PLPBP: variants seen among roughly 807,000 people sequenced by gnomAD.
PLPBP encodes pyridoxal phosphate homeostasis protein.
Under a neutral mutation model 31.2 loss-of-function variants are expected in PLPBP, and 21 were observed. The observed-to-expected ratio is 0.67, with a 90% CI of 0.48 to 0.97. PLPBP has a LOEUF of 0.97. Among genes scored for constraint, PLPBP ranks in the 50% least tolerant of loss-of-function variants. The probability of loss-of-function intolerance (pLI) is 0.00; values close to 1 mark genes in which losing one functional copy is unlikely to be tolerated. For missense variants in PLPBP, 308 were observed against 354.4 expected (o/e 0.87, Z 1.05); for synonymous variants, 124 against 135.6 (o/e 0.91, Z 0.59).
chr8:37,765,766 C>A lies in PLPBP; in HGVS notation c.243+20C>A, dbSNP rs963423127. The A allele has an allele frequency of 6.2e-7, 1 of 1,604,548 alleles. No homozygotes were observed. The highest frequency in any genetic ancestry group is 8.5e-7 in the Non-Finnish European group (1 of 1,177,514). ...CCCAAAGTAAGTAGATAGCTGAATTCTTTAATTTGTATCTAAATCTTGGCT... is the reference window on the plus strand; with the variant it reads ...CCCAAAGTAAGTAGATAGCTGAATTATTTAATTTGTATCTAAATCTTGGCT... On this transcript the variant is annotated intron_variant, in intron 3 of 7. Transcript: ENST00000328195.
intron 1 of PLPBP, 127 bp from the exon 2 acceptor site, chr8:37,765,398 GA>G: frequency 2.3e-6 from 2 of 851,934 alleles, no homozygotes; most frequent in Admixed American, 2.1e-5. Flanking sequence ...CTACAGTGTT[GA>G]AAAAATGGAT....
At chr8:37,775,137 T>C (rs1434433585) in intron 5 of PLPBP, 2 of 475,482 alleles carry the variant, frequency 4.2e-6, no homozygotes, top group East Asian at 6.8e-5. Context: ...ATAGTTCTTT[T>C]CTTGAGAAAT....
chr8:37,772,222 TG>T (rs2129797891), intron 4 of PLPBP, among the ~76,000 whole-genome samples: 1 of 152,350 alleles, frequency 6.6e-6, no homozygotes, highest in South Asian at 2.1e-4. Context: ...TTGGCCAGGC[TG>T]GTGTCAAACT....
intron 4 of PLPBP, among the ~76,000 whole-genome samples, chr8:37,771,699 C>T (rs1168574664): frequency 1.3e-5 from 2 of 152,100 alleles, no homozygotes; most frequent in African/African-American, 2.4e-5. Flanking sequence ...CAGTGGCTCA[C>T]GCCTGTAATC....
intron 6 of PLPBP, 94 bp downstream of exon 6, chr8:37,775,575 T>C: frequency 7.9e-6 from 12 of 1,523,708 alleles, no homozygotes; most frequent in Non-Finnish European, 1.1e-5. Flanking sequence ...TGCAGAGTCA[T>C]CCCAGACACT....
intron 3 of PLPBP, 108 bp downstream of exon 3, chr8:37,765,854 C>CT: frequency 8.4e-7 from 1 of 1,195,148 alleles, no homozygotes; most frequent in Non-Finnish European, 1.2e-6. Flanking sequence ...GGGTGGTTGA[C>CT]TTTAGATTGG....
rs374410929 is a variant in PLPBP at position 37,776,000 on chromosome 8, C to T, written c.680C>T (p.Ala227Val). The change falls in exon 7 of 8, where the codon GCG (alanine) becomes GTG (valine). Residue 227 changes from alanine (A) to valine (V), a missense_variant. Physicochemically the swap from Ala to Val is moderately conservative, Grantham distance 64. This residue lies in a region of PLPBP where 188 missense variants were observed against 259.3 expected (regional missense o/e 0.73). Coordinates refer to ENST00000328195, the MANE Select transcript of PLPBP (RefSeq NM_007198.4). ...DQVELSMGMS[A>V]DFQHAVEVGS... ...GTTGAGCTGAGCATGGGCATGTCCGCGGATTTCCAGCATGCGGTGAGTGTC... is the reference window on the plus strand; with the variant it reads ...GTTGAGCTGAGCATGGGCATGTCCGTGGATTTCCAGCATGCGGTGAGTGTC... The T allele has an allele frequency of 3.2e-5, 51 of 1,613,558 alleles. No homozygotes were observed. The highest frequency in any genetic ancestry group is 6.7e-5 in the East Asian group (3 of 44,864).
At chr8:37,762,819 T>G in intron 1 of PLPBP, 61 bp downstream of exon 1, 1 of 1,513,072 alleles carries the variant, frequency 6.6e-7, no homozygotes, top group African/African-American at 1.4e-5. Flanking sequence ...GACACCTGCG[T>G]GGGAATGGGT....
chr8:37,770,603 G>C (rs1303727216), intron 4 of PLPBP, among the ~76,000 whole-genome samples: 1 of 152,198 alleles, frequency 6.6e-6, no homozygotes, highest in Non-Finnish European at 1.5e-5. Context: ...TTTTGAGACA[G>C]GGTCTCACTC....
intron 7 of PLPBP, 39 bp from the exon 8 acceptor site, chr8:37,777,934 T>G (rs747422039): frequency 5.7e-6 from 9 of 1,587,858 alleles, no homozygotes; most frequent in Non-Finnish European, 7.8e-6. Context: ...TTTTATTATT[T>G]TAAACCTGGT....
At position 37,778,869 on chromosome 8, in the gene PLPBP, G is replaced by A. The variant is rs931579352; in HGVS notation, c.*765G>A. ...GAATGGAAGAATCACTTGAGCCCAG[G>A]AGTTTGAGGCTGCAGTGAGCTATGA... On this transcript the variant is annotated 3_prime_UTR_variant, in exon 8 of 8. Transcript: ENST00000328195. The A allele has an allele frequency of 1.3e-5, 2 of 151,632 alleles. No individual in the cohort carries two copies. Among genetic ancestry groups the A allele is most frequent in the Non-Finnish European group, 2.9e-5 (2 of 68,014 alleles). The allele number at this position is 151,632 out of a possible 1,614,324, so 9.4% of individuals were successfully genotyped here.
In PLPBP at chr8:37,773,029, T is replaced by C. The variant is rs926652810; in HGVS notation, c.454+140T>C. ...TCACAGGCCTCTAAGTTGGCTGTTT[T>C]ATGTGTGATCTAGGTAGCATAATGG... On this transcript the variant is annotated intron_variant, in intron 5 of 7. Transcript: ENST00000328195. 5 of 1,105,154 alleles carry C rather than the reference T, an allele frequency of 4.5e-6. No homozygotes were observed. In the African/African-American group the frequency reaches 6.3e-5, roughly 14 times the overall value. The allele number at this position is 1,105,154 out of a possible 1,614,324, so 68.5% of individuals were successfully genotyped here. A position where few individuals can be genotyped will look rare whatever the true frequency, so the allele number is the denominator to read the frequency against.
intron 1 of PLPBP, among the ~76,000 whole-genome samples, chr8:37,763,544 T>A (rs1169005379): frequency 6.6e-6 from 1 of 152,138 alleles, no homozygotes; most frequent in Non-Finnish European, 1.5e-5. Flanking sequence ...AGGTAACTAT[T>A]CCGGCCCTCA....
intron 1 of PLPBP, among the ~76,000 whole-genome samples, chr8:37,764,897 A>G (rs1219939435): frequency 3.9e-5 from 6 of 152,194 alleles, no homozygotes; most frequent in Non-Finnish European, 7.3e-5. Flanking sequence ...TCCGCTGGGC[A>G]CAGTGGCTCA....
At position 37,778,108 on chromosome 8, in the gene PLPBP, A is replaced by G; in HGVS notation, c.*4A>G. ...GGAGGTGGCACAGGAGCACTGAGCC[A>G]GGGAATACTGAGAGCACTAACTATG... On this transcript the variant is annotated 3_prime_UTR_variant, in exon 8 of 8. Coordinates refer to ENST00000328195, the MANE Select transcript of PLPBP (RefSeq NM_007198.4). 2 of 1,612,286 alleles carry G rather than the reference A, an allele frequency of 1.2e-6. No individual in the cohort carries two copies. The highest frequency in any genetic ancestry group is 1.7e-6 in the Non-Finnish European group (2 of 1,178,830).
At chr8:37,763,119 C>A (rs1422818811) in intron 1 of PLPBP, among the ~76,000 whole-genome samples, 4 of 152,256 alleles carry the variant, frequency 2.6e-5, no homozygotes, top group African/African-American at 9.6e-5. Context: ...GGTACAAGAG[C>A]ACCCCGCGGA....
In PLPBP at chr8:37,775,994, T is replaced by C. The variant is rs1191634532; in HGVS notation, c.674T>C (p.Met225Thr). ...GACCAGGTTGAGCTGAGCATGGGCATGTCCGCGGATTTCCAGCATGCGGTG... is the reference window on the plus strand; with the variant it reads ...GACCAGGTTGAGCTGAGCATGGGCACGTCCGCGGATTTCCAGCATGCGGTG... ...PADQVELSMG[M>T]SADFQHAVEV... Residue 225 changes from methionine to threonine, a missense_variant, in exon 7 of 8, where the codon ATG (methionine) becomes ACG (threonine). Around this residue, in one of 2 missense-constraint regions of PLPBP, gnomAD observed 188 missense variants for 259.3 expected, o/e 0.73. Transcript: ENST00000328195. The C allele has an allele frequency of 2.5e-6, 4 of 1,613,814 alleles. No individual in the cohort carries two copies. Among genetic ancestry groups the C allele is most frequent in the African/African-American group, 1.3e-5 (1 of 74,920 alleles).
chr8:37,774,316 T>A (rs940367233), intron 5 of PLPBP, among the ~76,000 whole-genome samples: 2 of 152,258 alleles, frequency 1.3e-5, no homozygotes, highest in African/African-American at 4.8e-5. Context: ...GCATGGGCTT[T>A]GAAATCAGAC....
Position 37,768,465 on chromosome 8 carries a change from CTTTTTTTTTT to C in PLPBP, c.319+2126_319+2135del, listed in dbSNP as rs903134254. Among the ~76,000 whole-genome samples the C allele has an allele frequency of 5.2e-5, 4 of 76,830 alleles. No homozygotes were observed. The South Asian group carries it at 2.1e-3, about 39-fold the overall frequency. 50.4% of individuals were successfully genotyped at this position (76,830 alleles called of 152,430 possible). A position where few individuals can be genotyped will look rare whatever the true frequency, so the allele number is the denominator to read the frequency against. The stretch of plus-strand genomic sequence containing the variant: ...GGTATCTCCTTACAGTTTTGATTTT[CTTTTTTTTTT>C]TTTTTTTTTTTTTTTGAGACGGATT... On this transcript the variant is annotated intron_variant, in intron 4 of 7. Transcript: ENST00000328195.
Sources: allele counts gnomAD v4.1 joint callset (sites outside exome capture counted in the v4.1 genomes callset), GRCh38; gene constraint gnomAD v4.1.1; regional missense constraint gnomAD v4.1.1; transcripts MANE v1.5; gene names NCBI Gene and HGNC (gene_info 2026-07-23, HGNC 2026-07-21).